Variants in ANKRD26 observed in about 807,000 individuals in gnomAD.
ANKRD26 encodes ankyrin repeat domain 26.
In ANKRD26, 141 loss-of-function variants were observed where a neutral mutation model predicts 208.7. That is an observed-to-expected ratio of 0.68 (90% confidence interval 0.59 to 0.78). The LOEUF (loss-of-function observed/expected upper bound fraction) is 0.78, where lower values mean the gene tolerates loss of function less well. Ranked by LOEUF, ANKRD26 falls within the 30% of genes least tolerant of loss-of-function variation. The pLI, the probability that ANKRD26 is intolerant of heterozygous loss-of-function variation, is 0.00. For synonymous variants in ANKRD26, 636 were observed against 660.4 expected, an observed-to-expected ratio of 0.96 and a Z score of 0.57; for missense variants, 1,889 against 1,938.7, an observed-to-expected ratio of 0.97 and a Z score of 0.48.
Position 27,037,782 on chromosome 10 carries a change from C to A in ANKRD26, c.2559+89G>T, listed in dbSNP as rs56254415. 106,847 of 1,094,454 alleles carry A rather than the reference C, an allele frequency of 0.098. 6,264 individuals are homozygous for A. The highest frequency in any genetic ancestry group is 0.27 in the East Asian group (10,413 of 38,466). 67.8% of individuals were successfully genotyped at this position (1,094,454 alleles called of 1,614,324 possible). On this transcript the variant is annotated intron_variant, in intron 22 of 33. Transcript: ENST00000376087. ...CTTGAGATAACAGTTTTGTTTTAAA[C>A]CTAGATAACATATATTAAATCAAAA...
At chr10:27,078,973 AC>A in intron 7 of ANKRD26, 115 bp downstream of exon 7, 1 of 764,724 alleles carries the variant, frequency 1.3e-6, no homozygotes, top group Non-Finnish European at 2.2e-6. Context: ...TCCCCTGACC[AC>A]CTTTCCATTA....
intron 12 of ANKRD26, among the ~76,000 whole-genome samples, chr10:27,063,753 C>T (rs1190542896): frequency 1.3e-5 from 2 of 152,128 alleles, no homozygotes; most frequent in Non-Finnish European, 2.9e-5. Context: ...TTCCTGGCTC[C>T]CTCAGGTCTT....
chr10:27,005,797 G>T, intron 33 of ANKRD26, 74 bp from the exon 34 acceptor site: 1 of 1,532,632 alleles, frequency 6.5e-7, no homozygotes. Context: ...GTCAGTAAAA[G>T]AGTTGAGAAT....
rs145321833 is a variant in ANKRD26 at position 27,044,125 on chromosome 10, CAAT to C, written c.2019+29_2019+31del. ...ATCTTTTATAATGTATTTTTTTAAA[CAAT>C]AATTTTGATAATTTATTTTTTACAG... On this transcript the variant is annotated intron_variant, in intron 19 of 33. Coordinates refer to ENST00000376087, the MANE Select transcript of ANKRD26 (RefSeq NM_014915.3). 19,608 of 1,313,510 alleles carry C rather than the reference CAAT, an allele frequency of 0.015. 1,190 individuals are homozygous for C. In the East Asian group the frequency reaches 0.17, roughly 12 times the overall value. 81.4% of individuals were successfully genotyped at this position (1,313,510 alleles called of 1,614,324 possible).
intron 15 of ANKRD26, among the ~76,000 whole-genome samples, chr10:27,058,637 G>A (rs11015487): frequency 0.073 from 11,020 of 150,762 alleles, 484 homozygotes; most frequent in African/African-American, 0.13. Context: ...GTCCAGTGGC[G>A]CCATCTCGGC....
intron 25 of ANKRD26, 53 bp from the exon 26 acceptor site, chr10:27,029,409 G>C (rs2053790609): frequency 1.4e-5 from 21 of 1,528,404 alleles, no homozygotes; most frequent in Non-Finnish European, 1.6e-5. Context: ...GTACACATCT[G>C]TCCATTACCT....
At chr10:27,020,206 G>C (rs1168723552) in intron 29 of ANKRD26, among the ~76,000 whole-genome samples, 1 of 152,208 alleles carries the variant, frequency 6.6e-6, no homozygotes, top group Non-Finnish European at 1.5e-5. Context: ...TTTATGGCTA[G>C]AGAGATATTT....
intron 1 of ANKRD26, among the ~76,000 whole-genome samples, chr10:27,097,006 AC>A (rs2056488117): frequency 6.6e-6 from 1 of 150,956 alleles, no homozygotes; most frequent in South Asian, 2.1e-4. Context: ...ACAGGGTAGA[AC>A]CCCATCTATA....
chr10:27,016,342 G>T (rs930067862), intron 30 of ANKRD26, among the ~76,000 whole-genome samples: 1 of 151,870 alleles, frequency 6.6e-6, no homozygotes, highest in Non-Finnish European at 1.5e-5. Flanking sequence ...TCACCATCTT[G>T]CCTCACTGCA....
Position 27,077,468 on chromosome 10 carries a change from T to C in ANKRD26, c.947A>G (p.Asp316Gly), listed in dbSNP as rs2055741051. ...LFEDRDSDSQDEVVVESLPTT... is the reference protein window; with the variant it reads ...LFEDRDSDSQGEVVVESLPTT... ...AGGAAGGCTTTCAACCACAACTTCA[T>C]CTTGACTATCGGAATCTCTATCCTC... The change falls in exon 9 of 34, where the codon GAT becomes GGT. Residue 316 changes from aspartate (D) to glycine (G), a missense_variant. Physicochemically the swap from Asp to Gly is moderately conservative, Grantham distance 94. Transcript: ENST00000376087. 1.2e-6 allele frequency: 2 copies of C among 1,614,154 alleles called. No individual in the cohort carries two copies. Among genetic ancestry groups the C allele is most frequent in the South Asian group, 1.1e-5 (1 of 91,082 alleles).
intron 4 of ANKRD26, among the ~76,000 whole-genome samples, chr10:26,982,385 GTTCCAA>G (rs1258634492): frequency 6.6e-6 from 1 of 152,000 alleles, no homozygotes; most frequent in African/African-American, 2.4e-5. Flanking sequence ...TGAGTTTGGG[GTTCCAA>G]ATTTATTTTC....
Position 27,017,487 on chromosome 10 carries a change from T to G in ANKRD26, c.4506+15A>C. 6.2e-7 allele frequency: 1 copy of G among 1,612,620 alleles called. No homozygotes were observed. The highest frequency in any genetic ancestry group is 1.1e-5 in the South Asian group (1 of 91,014). ...TGCAGTGAAATGAACAAAGGCACAC[T>G]ACACATAAGCTAACCTGTAAAAATA... On this transcript the variant is annotated intron_variant, in intron 30 of 33. Transcript: ENST00000376087.
chr10:27,082,223 A>C (rs1248420631), intron 6 of ANKRD26, among the ~76,000 whole-genome samples: 1 of 152,164 alleles, frequency 6.6e-6, no homozygotes, highest in African/African-American at 2.4e-5. Context: ...AATTAACACA[A>C]TATGGTCTAT....
chr10:27,088,317 T>C (rs1349188108), intron 4 of ANKRD26: 1 of 151,464 alleles, frequency 6.6e-6, no homozygotes, highest in Admixed American at 6.6e-5. Context: ...TTCCAGGGAC[T>C]GTGCAAAATA....
chr10:27,067,126 G>T lies in ANKRD26; in HGVS notation c.1207+31C>A, dbSNP rs201626411. 3.0e-5 allele frequency: 48 copies of T among 1,607,246 alleles called. 1 individual carries two copies. The highest frequency in any genetic ancestry group is 6.0e-6 in the Non-Finnish European group (7 of 1,176,456). On this transcript the variant is annotated intron_variant, in intron 10 of 33. Coordinates refer to ENST00000376087, the MANE Select transcript of ANKRD26 (RefSeq NM_014915.3). Reference sequence around the variant, plus strand: ...GACCCCAGAATAGAACTTAAGGATAGAAAAATATTCAGAGATATCCACTAA... The same window carrying T: ...GACCCCAGAATAGAACTTAAGGATATAAAAATATTCAGAGATATCCACTAA...
At chr10:27,000,563 A>T (rs537265974), downstream of ANKRD26, among the ~76,000 whole-genome samples, 257 of 152,362 alleles carry the variant, frequency 1.7e-3, no homozygotes, top group African/African-American at 5.8e-3. Flanking sequence ...AAGATAGCTG[A>T]ATCCAAGTTT....
chr10:27,021,754 T>C (rs1268460406), intron 29 of ANKRD26, among the ~76,000 whole-genome samples: 3 of 152,218 alleles, frequency 2.0e-5, no homozygotes, highest in African/African-American at 7.2e-5. Flanking sequence ...TAGTATGAGA[T>C]GGTATCTTGT....
At position 27,088,294 on chromosome 10, in the gene ANKRD26, T is replaced by C. The variant is rs543385726; in HGVS notation, c.639-1685A>G. ...TGCTTTGACTCACACTGTTAGCAAA[T>C]AGTAAAATGGCCTTCCAGGGACTGT... On this transcript the variant is annotated intron_variant, in intron 4 of 33. Transcript: ENST00000376087. The C allele has an allele frequency of 2.6e-5, 4 of 152,288 alleles. No individual in the cohort carries two copies. In the South Asian group the frequency reaches 8.3e-4, roughly 32 times the overall value. 9.4% of individuals were successfully genotyped at this position (152,288 alleles called of 1,614,324 possible). A position where few individuals can be genotyped will look rare whatever the true frequency, so the allele number is the denominator to read the frequency against.
intron 19 of ANKRD26, among the ~76,000 whole-genome samples, 172 bp from the exon 20 acceptor site, chr10:27,043,739 T>C (rs1245085150): frequency 7.2e-5 from 11 of 152,250 alleles, no homozygotes. Context: ...AATCACTTTT[T>C]CAAAGTAAAT....
Sources: gnomAD v4.1 joint callset for allele counts (sites outside exome capture counted in the v4.1 genomes callset) on GRCh38, gnomAD v4.1.1 for gene constraint, MANE v1.5 for transcripts, NCBI Gene and HGNC (gene_info 2026-07-23, HGNC 2026-07-21) for gene names.